The following NT5DC1 variants were observed in gnomAD, a reference collection of about 807,000 sequenced individuals.
The protein encoded by NT5DC1 is 5'-nucleotidase domain containing 1, also known as 5'-nucleotidase domain-containing protein 1.
NT5DC1 carries 42 observed loss-of-function variants against 59.4 expected under a neutral mutation model. The ratio of observed to expected loss-of-function variants is 0.71; its 90% CI spans 0.55 to 0.92. The LOEUF (loss-of-function observed/expected upper bound fraction) is 0.92. Among genes scored for constraint, NT5DC1 ranks in the 40% least tolerant of loss-of-function variants. The pLI, the probability that NT5DC1 is intolerant of heterozygous loss-of-function variation, is 0.00. For synonymous variants in NT5DC1, 172 were observed against 188.1 expected (o/e 0.91, Z 0.70); for missense variants, 501 against 537.1 (o/e 0.93, Z 0.66).
chr6:116,141,398 C>T (rs1305973606), intron 6 of NT5DC1, among the ~76,000 whole-genome samples: 1 of 151,852 alleles, frequency 6.6e-6, no homozygotes, highest in African/African-American at 2.4e-5. Context: ...TATGTGTTAT[C>T]TGCAGTTAAC....
At chr6:116,210,581 G>T (rs951424520) in intron 6 of NT5DC1, among the ~76,000 whole-genome samples, 1 of 151,876 alleles carries the variant, frequency 6.6e-6, no homozygotes, top group Admixed American at 6.6e-5. Flanking sequence ...TATAGGACCT[G>T]TTCCTGGGGT....
At chr6:116,196,019 G>T (rs748073866) in intron 6 of NT5DC1, among the ~76,000 whole-genome samples, 1 of 151,976 alleles carries the variant, frequency 6.6e-6, no homozygotes, top group African/African-American at 2.4e-5. Context: ...AGTACCTATT[G>T]TAACACTCAT....
chr6:116,151,734 T>A (rs1046067957), intron 6 of NT5DC1, among the ~76,000 whole-genome samples: 1 of 152,230 alleles, frequency 6.6e-6, no homozygotes, highest in East Asian at 1.9e-4. Flanking sequence ...ATGTTCATTT[T>A]AGCTTTTCTA....
intron 6 of NT5DC1, among the ~76,000 whole-genome samples, chr6:116,124,758 C>T (rs1446462518): frequency 6.6e-6 from 1 of 152,134 alleles, no homozygotes; most frequent in Non-Finnish European, 1.5e-5. Context: ...CTGCATTTTA[C>T]CGCTAAACTA....
chr6:116,119,836 G>T, intron 6 of NT5DC1: 1 of 443,070 alleles, frequency 2.3e-6, no homozygotes, highest in Non-Finnish European at 4.0e-6. Flanking sequence ...TAATATTGGA[G>T]AAAACCTTAA....
chr6:116,171,995 A>T (rs929598570), intron 6 of NT5DC1, among the ~76,000 whole-genome samples: 16 of 152,188 alleles, frequency 1.1e-4, no homozygotes, highest in African/African-American at 3.4e-4. Context: ...GCCACATCTT[A>T]AAAGAGAAAT....
chr6:116,217,223 C>T (rs185208786), intron 6 of NT5DC1, among the ~76,000 whole-genome samples: 66 of 152,286 alleles, frequency 4.3e-4, no homozygotes, highest in African/African-American at 1.6e-3. Context: ...TTGGTGTATT[C>T]AGGCCATTTG....
chr6:116,132,272 T>G (rs1360474929), intron 6 of NT5DC1, among the ~76,000 whole-genome samples: 1 of 152,194 alleles, frequency 6.6e-6, no homozygotes, highest in African/African-American at 2.4e-5. Context: ...TTTGTCCACC[T>G]TAGAGGTGAA....
At chr6:116,156,458 TC>T (rs1780195957) in intron 6 of NT5DC1, among the ~76,000 whole-genome samples, 1 of 152,172 alleles carries the variant, frequency 6.6e-6, no homozygotes, top group African/African-American at 2.4e-5. Flanking sequence ...ATAGTCTGCC[TC>T]ATAAGGGATT....
chr6:116,101,122 G>T, intron 1 of NT5DC1, 99 bp downstream of exon 1: 8 of 802,644 alleles, frequency 1.0e-5, no homozygotes, highest in Non-Finnish European at 1.5e-5. Context: ...GCTGCCCGGG[G>T]CCTGCGGCGG....
chr6:116,171,379 AG>A (rs1780604105), intron 6 of NT5DC1, among the ~76,000 whole-genome samples: 1 of 152,232 alleles, frequency 6.6e-6, no homozygotes, highest in African/African-American at 2.4e-5. Flanking sequence ...CTGTTCTAAA[AG>A]GCCATTTGTA....
At chr6:116,183,514 C>G (rs1335505243) in intron 6 of NT5DC1, among the ~76,000 whole-genome samples, 1 of 151,714 alleles carries the variant, frequency 6.6e-6, no homozygotes, top group Non-Finnish European at 1.5e-5. Flanking sequence ...TATAATATCC[C>G]ATGTTATATG....
At chr6:116,101,519 T>C (rs1183426449) in intron 1 of NT5DC1, among the ~76,000 whole-genome samples, 1 of 152,194 alleles carries the variant, frequency 6.6e-6, no homozygotes, top group East Asian at 1.9e-4. Flanking sequence ...CTGGGAGAGA[T>C]GCGTAGTATA....
intron 6 of NT5DC1, among the ~76,000 whole-genome samples, chr6:116,199,997 A>AGGGG (rs138305244): frequency 1.3e-4 from 15 of 119,596 alleles, no homozygotes; most frequent in African/African-American, 4.3e-4. Context: ...CAGTATGGAA[A>AGGGG]GTGGGGGGGG....
intron 6 of NT5DC1, among the ~76,000 whole-genome samples, chr6:116,202,582 C>T (rs772020795): frequency 5.3e-5 from 8 of 152,020 alleles, no homozygotes; most frequent in Non-Finnish European, 8.8e-5. Flanking sequence ...TAATTTGATG[C>T]CTGCAAAGTT....
intron 11 of NT5DC1, among the ~76,000 whole-genome samples, chr6:116,239,587 A>G (rs1273625460): frequency 6.6e-6 from 1 of 152,232 alleles, no homozygotes; most frequent in African/African-American, 2.4e-5. Context: ...GAAGGGCTTT[A>G]CTTTAGAATA....
intron 6 of NT5DC1, among the ~76,000 whole-genome samples, chr6:116,199,117 T>C (rs956353731): frequency 6.6e-6 from 1 of 151,776 alleles, no homozygotes; most frequent in Non-Finnish European, 1.5e-5. Context: ...CCCTGGGGGG[T>C]GAGGGGAGCT....
chr6:116,233,388 G>A (rs1782054462), intron 8 of NT5DC1, among the ~76,000 whole-genome samples: 1 of 152,190 alleles, frequency 6.6e-6, no homozygotes, highest in Non-Finnish European at 1.5e-5. Context: ...ATATATGGAA[G>A]ATTGTAACAG....
chr6:116,106,790 G>A (rs1778776141), intron 2 of NT5DC1, among the ~76,000 whole-genome samples: 1 of 152,188 alleles, frequency 6.6e-6, no homozygotes, highest in African/African-American at 2.4e-5. Flanking sequence ...ACTCTTACTG[G>A]GAATTCCCTT....
Sources: gnomAD v4.1 joint callset for allele counts (sites outside exome capture counted in the v4.1 genomes callset) on GRCh38, gnomAD v4.1.1 for gene constraint, MANE v1.5 for transcripts, NCBI Gene and HGNC (gene_info 2026-07-23, HGNC 2026-07-21) for gene names.